BMPER: variants seen among roughly 807,000 people sequenced by gnomAD.
BMPER encodes BMP binding endothelial regulator.
In BMPER, 45 loss-of-function variants were observed where a neutral mutation model predicts 87.3. That is an observed-to-expected ratio of 0.52 (90% CI 0.41 to 0.66). The LOEUF (loss-of-function observed/expected upper bound fraction) is 0.66. BMPER is among the 30% of genes least tolerant of loss of function. BMPER has a pLI of 0.00. For synonymous variants in BMPER, 326 were observed against 316.2 expected, an observed-to-expected ratio of 1.03 and a Z score of -0.33; for missense variants, 784 against 867.5, an observed-to-expected ratio of 0.90 and a Z score of 1.21.
chr7:34,130,940 C>G (rs1267154542), intron 13 of BMPER, among the ~76,000 whole-genome samples: 1 of 152,184 alleles, frequency 6.6e-6, no homozygotes, highest in African/African-American at 2.4e-5. Context: ...GTCTTTGCCA[C>G]TTATTAGTAA....
chr7:34,009,493 C>T (rs1285021954), intron 6 of BMPER, among the ~76,000 whole-genome samples: 1 of 151,854 alleles, frequency 6.6e-6, no homozygotes, highest in Non-Finnish European at 1.5e-5. Context: ...GTGTATTGGC[C>T]TTATTGTCCA....
chr7:34,127,645 G>C (rs115561875), intron 13 of BMPER, among the ~76,000 whole-genome samples: 1 of 152,104 alleles, frequency 6.6e-6, no homozygotes, highest in Non-Finnish European at 1.5e-5. Context: ...GGCTTCTTCT[G>C]CATCCCTCTA....
At chr7:34,116,716 G>A (rs1358084276) in intron 13 of BMPER, among the ~76,000 whole-genome samples, 2 of 152,202 alleles carry the variant, frequency 1.3e-5, no homozygotes, top group South Asian at 2.1e-4. Context: ...CTGGCTGGGC[G>A]CTGTGGCTCA....
chr7:34,045,584 C>G (rs1787940917), intron 6 of BMPER, among the ~76,000 whole-genome samples: 1 of 152,178 alleles, frequency 6.6e-6, no homozygotes, highest in African/African-American at 2.4e-5. Flanking sequence ...GTTTCTGAGA[C>G]TCTGCCAGTT....
At chr7:33,918,686 C>T (rs1784142698) in intron 2 of BMPER, among the ~76,000 whole-genome samples, 2 of 152,182 alleles carry the variant, frequency 1.3e-5, no homozygotes, top group South Asian at 4.1e-4. Context: ...TTGCCATGGG[C>T]TTCTGTTTAT....
chr7:33,951,998 C>T (rs776269606), intron 3 of BMPER, among the ~76,000 whole-genome samples: 1 of 152,122 alleles, frequency 6.6e-6, no homozygotes, highest in Non-Finnish European at 1.5e-5. Context: ...ATAATTAAAA[C>T]CACCACAGCT....
At chr7:33,966,843 G>A (rs76115339) in intron 4 of BMPER, among the ~76,000 whole-genome samples, 4,690 of 152,228 alleles carry the variant, frequency 0.031, 100 homozygotes, top group Non-Finnish European at 0.047. Context: ...ATGTCCTTGG[G>A]GAAAATTCAT....
intron 11 of BMPER, among the ~76,000 whole-genome samples, chr7:34,078,222 G>C (rs556552809): frequency 6.6e-6 from 1 of 152,020 alleles, no homozygotes; most frequent in Non-Finnish European, 1.5e-5. Flanking sequence ...TTTAGATCAT[G>C]GTCCTTAGAT....
chr7:34,024,087 T>C (rs1378385728), intron 6 of BMPER, among the ~76,000 whole-genome samples: 1 of 151,854 alleles, frequency 6.6e-6, no homozygotes, highest in African/African-American at 2.4e-5. Context: ...ACTTTCTTTA[T>C]TTTTAATGGG....
intron 6 of BMPER, among the ~76,000 whole-genome samples, chr7:33,977,156 T>G (rs946878299): frequency 6.6e-6 from 1 of 152,160 alleles, no homozygotes; most frequent in African/African-American, 2.4e-5. Flanking sequence ...GGGAGTGTCA[T>G]AAGAGCAGTT....
intron 8 of BMPER, among the ~76,000 whole-genome samples, chr7:34,053,572 A>G (rs923793929): frequency 3.3e-5 from 5 of 152,358 alleles, no homozygotes; most frequent in Admixed American, 6.5e-5. Flanking sequence ...TGTATGTTCT[A>G]TGTATTACAT....
At chr7:34,080,293 A>G (rs1183201845) in intron 12 of BMPER, among the ~76,000 whole-genome samples, 10 of 152,198 alleles carry the variant, frequency 6.6e-5, no homozygotes, top group African/African-American at 2.2e-4. Context: ...AACCCTGGCA[A>G]TTACTTCAAT....
At chr7:34,052,231 T>A (rs889398421) in intron 8 of BMPER, among the ~76,000 whole-genome samples, 2 of 152,210 alleles carry the variant, frequency 1.3e-5, no homozygotes, top group Non-Finnish European at 2.9e-5. Flanking sequence ...CTGAGGATTT[T>A]CTAAAATCAG....
At chr7:34,005,732 A>G (rs1216026110) in intron 6 of BMPER, among the ~76,000 whole-genome samples, 2 of 151,970 alleles carry the variant, frequency 1.3e-5, no homozygotes, top group African/African-American at 2.4e-5. Context: ...ATAATTGTTG[A>G]CAGAGTTCTT....
intron 10 of BMPER, among the ~76,000 whole-genome samples, chr7:34,058,841 G>A (rs1788353031): frequency 6.6e-6 from 1 of 152,030 alleles, no homozygotes; most frequent in African/African-American, 2.4e-5. Context: ...ACCTTCCCGT[G>A]AATGAAAAAA....
At chr7:34,017,141 A>G (rs576617388) in intron 6 of BMPER, among the ~76,000 whole-genome samples, 1 of 151,910 alleles carries the variant, frequency 6.6e-6, no homozygotes, top group Non-Finnish European at 1.5e-5. Context: ...GTGGTCTCTG[A>G]CGAAGACTGA....
intron 6 of BMPER, among the ~76,000 whole-genome samples, chr7:34,007,358 T>C (rs1786762317): frequency 6.6e-6 from 1 of 152,062 alleles, no homozygotes; most frequent in South Asian, 2.1e-4. Flanking sequence ...CATGCACATG[T>C]ACATTCCTAA....
chr7:33,993,166 C>T (rs1420760343), intron 6 of BMPER, among the ~76,000 whole-genome samples: 136 of 147,246 alleles, frequency 9.2e-4, no homozygotes, highest in African/African-American at 3.3e-3. Flanking sequence ...TGTTGGCCTG[C>T]CTTGCTAGAT....
chr7:34,052,102 G>A, intron 8 of BMPER, 132 bp downstream of exon 8: 1 of 848,578 alleles, frequency 1.2e-6, no homozygotes, highest in African/African-American at 1.6e-5. Context: ...ATTTTACAAG[G>A]AAAATCATAC....
Sources: gnomAD v4.1 joint callset for allele counts (sites outside exome capture counted in the v4.1 genomes callset) on GRCh38, gnomAD v4.1.1 for gene constraint, MANE v1.5 for transcripts, NCBI Gene and HGNC (gene_info 2026-07-23, HGNC 2026-07-21) for gene names.